The following ZDBF2 variants were observed in gnomAD, a reference collection of about 807,000 sequenced individuals.
ZDBF2 encodes the protein DBF4-type zinc finger-containing protein 2.
Under a neutral mutation model 9.4 loss-of-function variants are expected in ZDBF2, and 6 were observed. The ratio of observed to expected loss-of-function variants is 0.64; its 90% CI spans 0.35 to 1.27. The LOEUF (loss-of-function observed/expected upper bound fraction) is 1.27. Among genes scored for constraint, ZDBF2 ranks in the 50% most tolerant of loss-of-function variants. The probability of loss-of-function intolerance (pLI) is 0.03; values close to 1 mark genes in which losing one functional copy is unlikely to be tolerated. For missense variants in ZDBF2, 2,697 were observed against 2,766.8 expected, an observed-to-expected ratio of 0.97 and a Z score of 0.57; for synonymous variants, 905 against 946.3, an observed-to-expected ratio of 0.96 and a Z score of 0.80.
intron 1 of ZDBF2, among the ~76,000 whole-genome samples, chr2:206,276,450 A>T (rs1346941297): frequency 6.6e-6 from 1 of 152,210 alleles, no homozygotes; most frequent in South Asian, 2.1e-4. Flanking sequence ...AGATGCAATT[A>T]AACTAGACAT....
In ZDBF2 at chr2:206,309,954, A is replaced by G. The variant is rs1410127524; in HGVS notation, c.5426A>G (p.Glu1809Gly). ...CTGAAAAAAGCAAAGGATGTCATAG[A>G]GGATAATCCTGATGAACCAGTTCTT... ...RNLKKAKDVI[E>G]DNPDEPVLEA... The change falls in exon 5 of 5, where the codon GAG becomes GGG. Residue 1809 changes from glutamate to glycine, a missense_variant. By Grantham distance (98) the Glu-to-Gly change is moderately conservative. Around this residue, in one of 3 missense-constraint regions of ZDBF2, gnomAD observed 1,783 missense variants for 1,776.5 expected, o/e 1.00. Transcript: ENST00000374423. 1 of 1,613,502 alleles carries G rather than the reference A, an allele frequency of 6.2e-7. No individual in the cohort carries two copies. The highest frequency in any genetic ancestry group is 8.5e-7 in the Non-Finnish European group (1 of 1,179,754).
chr2:206,302,721 T>C (rs1324813158), intron 4 of ZDBF2, among the ~76,000 whole-genome samples: 1 of 152,202 alleles, frequency 6.6e-6, no homozygotes, highest in Non-Finnish European at 1.5e-5. Flanking sequence ...CACAATACTT[T>C]TGATGCAGGG....
At chr2:206,299,244 C>T (rs1230822724) in intron 4 of ZDBF2, among the ~76,000 whole-genome samples, 5 of 152,146 alleles carry the variant, frequency 3.3e-5, no homozygotes, top group African/African-American at 1.2e-4. Context: ...AGTTTACGGA[C>T]CTTAAAAATT....
chr2:206,303,825 C>G (rs993612154), intron 4 of ZDBF2, among the ~76,000 whole-genome samples: 1 of 151,854 alleles, frequency 6.6e-6, no homozygotes, highest in Non-Finnish European at 1.5e-5. Flanking sequence ...TTCTGTGTAC[C>G]CTTGCTTTTC....
rs749230150 is a variant in ZDBF2, at chr2:206,310,884, A to C, written c.6356A>C (p.His2119Pro). The C allele has an allele frequency of 1.2e-6, 2 of 1,613,956 alleles. No individual in the cohort carries two copies. Among genetic ancestry groups the C allele is most frequent in the South Asian group, 2.2e-5 (2 of 91,068 alleles). The change falls in exon 5 of 5, where the codon CAT (histidine) becomes CCT (proline). Residue 2119 changes from histidine (H) to proline (P), a missense_variant. His to Pro is a moderately conservative substitution (Grantham distance 77). Coordinates refer to ENST00000374423, the MANE Select transcript of ZDBF2 (RefSeq NM_020923.3). ...CCGGCAAGATATGGATTTAATTCAC[A>C]TCAGGGAACCAGTGACTCTTCTCTG... ...AVPARYGFNS[H>P]QGTSDSSLFL...
rs1351651032 is a variant in ZDBF2 at position 206,307,345 on chromosome 2, C to A, written c.2817C>A (p.Ser939Arg). 1 of 1,612,866 alleles carries A rather than the reference C, an allele frequency of 6.2e-7. No individual in the cohort carries two copies. Among genetic ancestry groups the A allele is most frequent in the African/African-American group, 1.3e-5 (1 of 74,852 alleles). Residue 939 changes from serine (S) to arginine (R), a missense_variant, in exon 5 of 5, where the codon AGC becomes AGA. Coordinates refer to ENST00000374423, the MANE Select transcript of ZDBF2 (RefSeq NM_020923.3). The stretch of plus-strand genomic sequence containing the variant: ...CTGAAGATCCCATTAAAGAAATAAG[C>A]CTTCACACAAAAGAGCACATGTACT... ...GRSEDPIKEI[S>R]LHTKEHMYLE...
At chr2:206,282,012 T>G in intron 3 of ZDBF2, 103 bp downstream of exon 3, 2 of 1,069,562 alleles carry the variant, frequency 1.9e-6, no homozygotes, top group South Asian at 1.7e-5. Context: ...CAGATCATAT[T>G]GGGAATCTAT....
intron 1 of ZDBF2, among the ~76,000 whole-genome samples, chr2:206,275,254 C>T (rs1049496194): frequency 1.3e-5 from 2 of 151,990 alleles, no homozygotes; most frequent in African/African-American, 4.8e-5. Flanking sequence ...GCCTCGGGTC[C>T]GGGCTTGGGG....
In ZDBF2 at chr2:206,290,232, C is replaced by T. The variant is rs1466725206; in HGVS notation, c.61-7014C>T. ...CTATATATCTTCTCTGATGCCAGCA[C>T]CACATAGTCTTGATTACTGTAGCTT... is the stretch of plus-strand genomic sequence containing the variant. On this transcript the variant is annotated intron_variant, in intron 3 of 4. Transcript: ENST00000374423. Among the ~76,000 whole-genome samples the T allele has an allele frequency of 2.0e-5, 3 of 152,288 alleles. No individual in the cohort carries two copies. In the East Asian group the frequency reaches 5.8e-4, roughly 29 times the overall value.
rs1292611454 is a variant in ZDBF2, at chr2:206,307,845, A to G, written c.3317A>G (p.Asn1106Ser). 3.1e-6 allele frequency: 5 copies of G among 1,612,470 alleles called. No individual in the cohort carries two copies. The highest frequency in any genetic ancestry group is 1.1e-5 in the South Asian group (1 of 90,558). Residue 1106 changes from asparagine to serine, a missense_variant, in exon 5 of 5, where the codon AAT (asparagine) becomes AGT (serine). Physicochemically the swap from Asn to Ser is conservative, Grantham distance 46 (BLOSUM62 1). This residue lies in a region of ZDBF2 where 1,783 missense variants were observed against 1,776.5 expected (regional missense o/e 1.00). Coordinates refer to ENST00000374423, the MANE Select transcript of ZDBF2 (RefSeq NM_020923.3). ...QWKEEVIGLK[N>S]KINEPSTYKL... is the part of the protein sequence containing the mutation. Reference sequence around the variant, plus strand: ...AAGGAAGAGGTTATTGGCCTGAAAAATAAGATTAATGAACCTAGTACTTAT... The same window carrying G: ...AAGGAAGAGGTTATTGGCCTGAAAAGTAAGATTAATGAACCTAGTACTTAT...
In ZDBF2 at chr2:206,305,044, T is replaced by C. The variant is rs777867259; in HGVS notation, c.516T>C (p.Asn172=). The C allele has an allele frequency of 8.1e-6, 13 of 1,613,660 alleles. No individual in the cohort carries two copies. The highest frequency in any genetic ancestry group is 1.3e-5 in the African/African-American group (1 of 74,930). Residue 172 remains asparagine, a synonymous_variant, in exon 5 of 5, where the codon AAT becomes AAC. Coordinates refer to ENST00000374423, the MANE Select transcript of ZDBF2 (RefSeq NM_020923.3). Reference sequence around the variant, plus strand: ...TAGTAGATATTGGTCAGGCTACAAATAATAGAAGCAACTTGGTACGCCCCC... The same window carrying C: ...TAGTAGATATTGGTCAGGCTACAAACAATAGAAGCAACTTGGTACGCCCCC... The part of the protein sequence containing the change: ...CNLVDIGQAT[N]NRSNLVRPPV...
At chr2:206,286,264 T>G (rs557034087) in intron 3 of ZDBF2, among the ~76,000 whole-genome samples, 3 of 152,230 alleles carry the variant, frequency 2.0e-5, no homozygotes, top group Non-Finnish European at 4.4e-5. Context: ...GCTGATTTTC[T>G]ATCTAGATGA....
rs199955422 is a variant in ZDBF2, at chr2:206,276,058, CTG to C, written c.-103+1113_-103+1114del. On this transcript the variant is annotated intron_variant, in intron 1 of 4. Coordinates refer to ENST00000374423, the MANE Select transcript of ZDBF2 (RefSeq NM_020923.3). ...TAATTGGAGGCAGTGTTTTTTCAAA[CTG>C]AGTTTTTTCAGCCGGTTCGTGAATG... Among the ~76,000 whole-genome samples the C allele has an allele frequency of 2.4e-3, 362 of 152,068 alleles. 4 individuals carry two copies. Among genetic ancestry groups the C allele is most frequent in the Admixed American group, 0.017 (256 of 15,270 alleles).
rs1443094548 is a variant in ZDBF2, at chr2:206,281,892, T to C, written c.43T>C (p.Tyr15His). Residue 15 changes from tyrosine (Y) to histidine (H), a missense_variant, in exon 3 of 5, where the codon TAT becomes CAT. By Grantham distance (83) the Tyr-to-His change is moderately conservative. Coordinates refer to ENST00000374423, the MANE Select transcript of ZDBF2 (RefSeq NM_020923.3). ...QGYCSYCRVQ[Y>H]NNLEQHLFSA... Reference sequence around the variant, plus strand: ...ATATTGCAGTTATTGCCGTGTGCAGTATAATAACCTGGAACAGGTGAGCGG... The same window carrying C: ...ATATTGCAGTTATTGCCGTGTGCAGCATAATAACCTGGAACAGGTGAGCGG... The C allele has an allele frequency of 6.2e-7, 1 of 1,613,010 alleles. No homozygotes were observed. The highest frequency in any genetic ancestry group is 1.7e-5 in the Admixed American group (1 of 59,952).
chr2:206,288,723 A>C (rs938364981), intron 3 of ZDBF2, among the ~76,000 whole-genome samples: 30 of 152,124 alleles, frequency 2.0e-4, no homozygotes, highest in African/African-American at 7.0e-4. Context: ...GCTGGGGCCC[A>C]GGGCATCAGG....
intron 3 of ZDBF2, among the ~76,000 whole-genome samples, chr2:206,296,155 C>G (rs189551149): frequency 2.5e-4 from 38 of 152,284 alleles, no homozygotes; most frequent in Non-Finnish European, 4.4e-4. Flanking sequence ...GTACACTAGT[C>G]CCCCCTTATC....
In ZDBF2 at chr2:206,308,040, TAGTCA is replaced by T; in HGVS notation, c.3514_3518del (p.Val1172SerfsTer13). On this transcript the variant is annotated frameshift_variant, in exon 5 of 5. Coordinates refer to ENST00000374423, the MANE Select transcript of ZDBF2 (RefSeq NM_020923.3). LOFTEE classifies it low-confidence loss of function (END_TRUNC). ...GATTCTGGTTTCTTGGGTCAGTCAA[TAGTCA>T]ATCGACCTCAAATAACTATTTTGGA... is the stretch of plus-strand genomic sequence containing the variant. 1 of 1,613,964 alleles carries T rather than the reference TAGTCA, an allele frequency of 6.2e-7. No individual in the cohort carries two copies. The highest frequency in any genetic ancestry group is 8.5e-7 in the Non-Finnish European group (1 of 1,179,852).
At chr2:206,275,776 TG>T (rs1283291719) in intron 1 of ZDBF2, among the ~76,000 whole-genome samples, 2 of 152,158 alleles carry the variant, frequency 1.3e-5, no homozygotes, top group Non-Finnish European at 2.9e-5. Flanking sequence ...GCTAACAATT[TG>T]GGGGGTATCT....
In ZDBF2 at chr2:206,310,720, T is replaced by C. The variant is rs1283678915; in HGVS notation, c.6192T>C (p.Pro2064=). 6.2e-7 allele frequency: 1 copy of C among 1,613,534 alleles called. No homozygotes were observed. The highest frequency in any genetic ancestry group is 8.5e-7 in the Non-Finnish European group (1 of 1,179,860). Residue 2064 remains proline (P), a synonymous_variant, in exon 5 of 5, where the codon CCT becomes CCC. Coordinates refer to ENST00000374423, the MANE Select transcript of ZDBF2 (RefSeq NM_020923.3). Reference sequence around the variant, plus strand: ...TGATTAAGCAAATTGTAATTAGTCCTCCCCTGAGTGTAATAGTACCAGAGT... The same window carrying C: ...TGATTAAGCAAATTGTAATTAGTCCCCCCCTGAGTGTAATAGTACCAGAGT... ...EPLIKQIVIS[P]PLSVIVPEFE...
Sources: allele counts gnomAD v4.1 joint callset (sites outside exome capture counted in the v4.1 genomes callset), GRCh38; gene constraint gnomAD v4.1.1; regional missense constraint gnomAD v4.1.1; transcripts MANE v1.5; gene names NCBI Gene and HGNC (gene_info 2026-07-23, HGNC 2026-07-21).